Variants in SMAD1 observed in about 807,000 individuals in gnomAD.
SMAD1 encodes MAD, mothers against decapentaplegic homolog 1.
A neutral mutation model predicts 41.6 loss-of-function variants in SMAD1; 6 were observed. The ratio of observed to expected loss-of-function variants is 0.14; its 90% confidence interval spans 0.08 to 0.28. The LOEUF (loss-of-function observed/expected upper bound fraction) is 0.28, where lower values mean the gene tolerates loss of function less well. Ranked by LOEUF, SMAD1 falls within the 10% of genes least tolerant of loss-of-function variation. The pLI is 1.00. For synonymous variants in SMAD1, 206 were observed against 203.2 expected, an observed-to-expected ratio of 1.01 and a Z score of -0.12; for missense variants, 379 against 582.6, an observed-to-expected ratio of 0.65 and a Z score of 3.60.
chr4:145,548,596 AATAG>A (rs772494430), intron 5 of SMAD1, among the ~76,000 whole-genome samples: 159 of 152,072 alleles, frequency 1.0e-3, no homozygotes, highest in African/African-American at 3.3e-3. Context: ...ACTCATAATA[AATAG>A]ATAGATAAGT....
intron 1 of SMAD1, among the ~76,000 whole-genome samples, chr4:145,498,846 A>G (rs139124383): frequency 5.3e-5 from 8 of 152,272 alleles, no homozygotes; most frequent in Non-Finnish European, 1.0e-4. Context: ...ATCATAATTT[A>G]TTTAATCATT....
intron 1 of SMAD1, among the ~76,000 whole-genome samples, chr4:145,501,121 A>G (rs1434280103): frequency 6.6e-6 from 1 of 152,232 alleles, no homozygotes; most frequent in Non-Finnish European, 1.5e-5. Flanking sequence ...CCAATTTCTC[A>G]TTCTGGGTTT....
Position 145,539,838 on chromosome 4 carries a change from A to G in SMAD1, c.435A>G (p.Glu145=), listed in dbSNP as rs773912811. Residue 145 remains glutamate, a synonymous_variant, in exon 3 of 7, where the codon GAA becomes GAG. Coordinates refer to ENST00000302085, the MANE Select transcript of SMAD1 (RefSeq NM_005900.3). ...LPPVLVPRHS[E]YNPQHSLLAQ... is the part of the protein sequence containing the mutation. ...CTGTGCTGGTTCCAAGACACAGCGA[A>G]TATAATCCTCAGCACAGCCTCTTAG... 1.2e-6 allele frequency: 2 copies of G among 1,614,074 alleles called. No individual in the cohort carries two copies. The highest frequency in any genetic ancestry group is 8.5e-7 in the Non-Finnish European group (1 of 1,180,002).
chr4:145,509,365 T>G (rs1036263553), intron 1 of SMAD1, among the ~76,000 whole-genome samples: 1 of 152,186 alleles, frequency 6.6e-6, no homozygotes, highest in African/African-American at 2.4e-5. Context: ...TTAATACAGC[T>G]TTGTTGAATG....
rs1442012011 is a variant in SMAD1, at chr4:145,559,034, A to G, written c.*1100A>G. ...CAAACTTTTTAAATTTTTTTGTACT[A>G]TGTTTGGTTTTATTTTCCTTCTGTT... On this transcript the variant is annotated 3_prime_UTR_variant, in exon 7 of 7. Coordinates refer to ENST00000302085, the MANE Select transcript of SMAD1 (RefSeq NM_005900.3). 1.3e-5 allele frequency among the ~76,000 whole-genome samples: 2 copies of G among 152,082 alleles called. No homozygotes were observed. Among genetic ancestry groups the G allele is most frequent in the Non-Finnish European group, 1.5e-5 (1 of 67,998 alleles).
At chr4:145,535,330 T>A (rs774636860) in intron 2 of SMAD1, among the ~76,000 whole-genome samples, 6 of 152,208 alleles carry the variant, frequency 3.9e-5, no homozygotes, top group Non-Finnish European at 5.9e-5. Flanking sequence ...CATTTCCACA[T>A]CTAGGAATTT....
rs1732275014 is a variant in SMAD1, at chr4:145,546,761, G to A, written c.834G>A (p.Glu278=). The A allele has an allele frequency of 6.2e-7, 1 of 1,614,058 alleles. No homozygotes were observed. Among genetic ancestry groups the A allele is most frequent in the Middle Eastern group, 1.7e-4 (1 of 6,024 alleles). ...ACTGGTGCTCTATTGTCTACTATGA[G>A]CTCAACAATCGTGTGGGTGAAGCGT... ...PKHWCSIVYY[E]LNNRVGEAFH... Residue 278 remains glutamate (E), a synonymous_variant, in exon 5 of 7, where the codon GAG becomes GAA. Transcript: ENST00000302085.
At chr4:145,517,803 CAT>C (rs1277134915) in intron 2 of SMAD1, among the ~76,000 whole-genome samples, 1 of 125,218 alleles carries the variant, frequency 8.0e-6, no homozygotes, top group African/African-American at 2.5e-5. Context: ...CTCTTAATAA[CAT>C]ATGTGCTAAT....
intron 2 of SMAD1, among the ~76,000 whole-genome samples, chr4:145,536,918 A>G (rs1731646457): frequency 1.3e-5 from 2 of 152,106 alleles, no homozygotes; most frequent in Admixed American, 6.6e-5. Context: ...GAATGATACC[A>G]CTTATCTAGT....
intron 1 of SMAD1, among the ~76,000 whole-genome samples, chr4:145,500,460 C>T (rs890159319): frequency 5.3e-5 from 8 of 152,138 alleles, no homozygotes; most frequent in Non-Finnish European, 1.0e-4. Flanking sequence ...TGCCAAATGG[C>T]TCAAATGGCT....
rs139986561 is a variant in SMAD1, at chr4:145,511,692, C to T, written c.-176-2746C>T. On this transcript the variant is annotated intron_variant, in intron 1 of 6. Coordinates refer to ENST00000302085, the MANE Select transcript of SMAD1 (RefSeq NM_005900.3). ...ATAGTAAATTATACTTTACCATGGC[C>T]TGGATAACACAAGGACCTTAGAATG... is the stretch of plus-strand genomic sequence containing the variant. 3.2e-4 allele frequency among the ~76,000 whole-genome samples: 49 copies of T among 152,274 alleles called. 1 individual carries two copies. The East Asian group carries it at 8.9e-3, about 28-fold the overall frequency.
At chr4:145,495,868 CCAAAGT>C (rs1020576598) in intron 1 of SMAD1, among the ~76,000 whole-genome samples, 1 of 151,174 alleles carries the variant, frequency 6.6e-6, no homozygotes, top group African/African-American at 2.4e-5. Context: ...CCTTGGCCTT[CCAAAGT>C]GCTGGGATTA....
At chr4:145,497,079 A>G (rs1374047368) in intron 1 of SMAD1, 3 of 152,220 alleles carry the variant, frequency 2.0e-5, no homozygotes, top group South Asian at 2.1e-4. Flanking sequence ...AGAATTTACT[A>G]TGTTCTCAGG....
In SMAD1 at chr4:145,546,732, A is replaced by C; in HGVS notation, c.805A>C (p.Lys269Gln). The change falls in exon 5 of 7, where the codon AAA (lysine) becomes CAA (glutamine). Residue 269 changes from lysine to glutamine, a missense_variant. This residue lies in a region of SMAD1 where 208 missense variants were observed against 210.5 expected (regional missense o/e 0.99). Transcript: ENST00000302085. ...DVQAVAYEEPKHWCSIVYYEL... is the reference protein window; with the variant it reads ...DVQAVAYEEPQHWCSIVYYEL... ...TCAGGCGGTTGCTTATGAGGAACCA[A>C]AACACTGGTGCTCTATTGTCTACTA... is the stretch of plus-strand genomic sequence containing the variant. 6.2e-7 allele frequency: 1 copy of C among 1,613,730 alleles called. No individual in the cohort carries two copies. Among genetic ancestry groups the C allele is most frequent in the Non-Finnish European group, 8.5e-7 (1 of 1,179,990 alleles).
At chr4:145,550,889 T>TAGGC (rs1464940070) in intron 5 of SMAD1, among the ~76,000 whole-genome samples, 1 of 152,132 alleles carries the variant, frequency 6.6e-6, no homozygotes, top group East Asian at 1.9e-4. Flanking sequence ...TTTGAATAAA[T>TAGGC]AGGCAGTCTG....
intron 2 of SMAD1, among the ~76,000 whole-genome samples, chr4:145,531,035 G>A (rs1176342722): frequency 6.6e-6 from 1 of 152,194 alleles, no homozygotes; most frequent in Non-Finnish European, 1.5e-5. Context: ...CATGATGGAG[G>A]CATATATGGT....
chr4:145,530,767 G>T (rs941032420), intron 2 of SMAD1, among the ~76,000 whole-genome samples: 2 of 152,072 alleles, frequency 1.3e-5, no homozygotes, highest in Non-Finnish European at 2.9e-5. Context: ...GATGGAAAAA[G>T]AATTTAAAAA....
At chr4:145,533,029 G>A (rs544220211) in intron 2 of SMAD1, among the ~76,000 whole-genome samples, 1 of 152,324 alleles carries the variant, frequency 6.6e-6, no homozygotes, top group Admixed American at 6.5e-5. Flanking sequence ...CATGAAGTGG[G>A]GGTAGAGCGA....
intron 1 of SMAD1, among the ~76,000 whole-genome samples, chr4:145,487,914 G>A (rs1212939910): frequency 1.3e-5 from 2 of 152,134 alleles, no homozygotes; most frequent in Non-Finnish European, 2.9e-5. Flanking sequence ...TCACTCCAGT[G>A]ACTACATCAG....
Sources: allele counts gnomAD v4.1 joint callset (sites outside exome capture counted in the v4.1 genomes callset), GRCh38; gene constraint gnomAD v4.1.1; regional missense constraint gnomAD v4.1.1; transcripts MANE v1.5; gene names NCBI Gene and HGNC (gene_info 2026-07-23, HGNC 2026-07-21).